Variants in NOS1AP observed in about 807,000 individuals in gnomAD.
NOS1AP encodes carboxyl-terminal PDZ ligand of neuronal nitric oxide synthase protein.
In NOS1AP, 21 loss-of-function variants were observed where a neutral mutation model predicts 56.2. The observed-to-expected ratio is 0.37, with a 90% CI of 0.26 to 0.54. The LOEUF (loss-of-function observed/expected upper bound fraction) is 0.54, where lower values mean the gene tolerates loss of function less well. Ranked by LOEUF, NOS1AP falls within the 20% of genes least tolerant of loss-of-function variation. The pLI, the probability that NOS1AP is intolerant of heterozygous loss-of-function variation, is 0.84. For synonymous variants in NOS1AP, 270 were observed against 274.6 expected (o/e 0.98, Z 0.17); for missense variants, 522 against 657.8 (o/e 0.79, Z 2.26).
chr1:162,102,111 A>G (rs910118663), intron 1 of NOS1AP, among the ~76,000 whole-genome samples: 2 of 152,160 alleles, frequency 1.3e-5, no homozygotes, highest in Non-Finnish European at 2.9e-5. Flanking sequence ...ATTTTGAGGT[A>G]TGTTCCAGCT....
intron 2 of NOS1AP, among the ~76,000 whole-genome samples, chr1:162,193,874 T>TTTTC (rs755514055): frequency 2.3e-4 from 35 of 152,172 alleles, no homozygotes; most frequent in African/African-American, 8.2e-4. Context: ...GTTTCTTTAC[T>TTTTC]TTTCTTTCTT....
chr1:162,180,748 C>T (rs1651229951), intron 2 of NOS1AP, among the ~76,000 whole-genome samples: 1 of 152,224 alleles, frequency 6.6e-6, no homozygotes, highest in African/African-American at 2.4e-5. Context: ...GGGAGATGAC[C>T]CATGAGCTTC....
At chr1:162,160,282 C>T (rs1270916490) in intron 2 of NOS1AP, among the ~76,000 whole-genome samples, 1 of 152,122 alleles carries the variant, frequency 6.6e-6, no homozygotes, top group African/African-American at 2.4e-5. Context: ...TGGTCTTGGC[C>T]TTGAACAGAA....
chr1:162,347,858 C>T (rs1467586270), intron 6 of NOS1AP, among the ~76,000 whole-genome samples: 1 of 152,230 alleles, frequency 6.6e-6, no homozygotes, highest in East Asian at 1.9e-4. Context: ...ACGCCGTTCC[C>T]TCTGCCATGG....
At chr1:162,247,231 C>T (rs1196108554) in intron 2 of NOS1AP, among the ~76,000 whole-genome samples, 1 of 152,190 alleles carries the variant, frequency 6.6e-6, no homozygotes, top group Non-Finnish European at 1.5e-5. Context: ...TCTCCCCTTG[C>T]CTCTTTCTCT....
intron 2 of NOS1AP, among the ~76,000 whole-genome samples, chr1:162,216,580 T>A (rs545032079): frequency 6.6e-6 from 1 of 152,248 alleles, no homozygotes; most frequent in Non-Finnish European, 1.5e-5. Context: ...TGCTTTGGTT[T>A]ATTCATCTAC....
chr1:162,191,382 G>A (rs1651642027), intron 2 of NOS1AP, among the ~76,000 whole-genome samples: 1 of 152,054 alleles, frequency 6.6e-6, no homozygotes. Flanking sequence ...TCCCTGCTTC[G>A]AAGTGTTTTC....
chr1:162,337,026 A>G (rs1406792901), intron 5 of NOS1AP, among the ~76,000 whole-genome samples: 1 of 152,152 alleles, frequency 6.6e-6, no homozygotes. Context: ...GATAGTATTC[A>G]TTTGCAGGGC....
intron 2 of NOS1AP, among the ~76,000 whole-genome samples, chr1:162,282,707 G>A (rs1001298205): frequency 6.6e-6 from 1 of 152,336 alleles, no homozygotes; most frequent in Admixed American, 6.5e-5. Flanking sequence ...ATGCCCAGCA[G>A]CACTGTCAGA....
chr1:162,351,727 A>T (rs549721267), intron 6 of NOS1AP, among the ~76,000 whole-genome samples: 1 of 152,008 alleles, frequency 6.6e-6, no homozygotes, highest in South Asian at 2.1e-4. Flanking sequence ...CCTTGTCCCT[A>T]TGTCTCCCCC....
intron 2 of NOS1AP, among the ~76,000 whole-genome samples, chr1:162,207,742 C>A (rs187516690): frequency 1.9e-4 from 29 of 152,202 alleles, no homozygotes; most frequent in Non-Finnish European, 2.9e-4. Flanking sequence ...CGGTCTCAGT[C>A]CCATAAAATT....
chr1:162,237,907 C>CTCT, intron 2 of NOS1AP, among the ~76,000 whole-genome samples: 1 of 152,004 alleles, frequency 6.6e-6, no homozygotes, highest in East Asian at 1.9e-4. Context: ...CTTTGCTGTC[C>CTCT]TCTTGTCTGC....
intron 4 of NOS1AP, among the ~76,000 whole-genome samples, chr1:162,332,169 G>A (rs1656790799): frequency 6.6e-6 from 1 of 152,030 alleles, no homozygotes; most frequent in Non-Finnish European, 1.5e-5. Context: ...AACACTGCAG[G>A]GCTTGTAAAC....
At chr1:162,160,020 CAGGGGAT>C (rs771639249) in intron 2 of NOS1AP, among the ~76,000 whole-genome samples, 26 of 152,164 alleles carry the variant, frequency 1.7e-4, no homozygotes, top group Non-Finnish European at 3.1e-4. Context: ...GCTCTTAAAC[CAGGGGAT>C]AGATCCCTGC....
At chr1:162,303,248 C>A (rs181361011) in intron 4 of NOS1AP, among the ~76,000 whole-genome samples, 30 of 152,282 alleles carry the variant, frequency 2.0e-4, no homozygotes, top group South Asian at 1.5e-3. Flanking sequence ...GATAGGTATA[C>A]ATTTAACTTT....
chr1:162,169,570 A>G (rs1435442724), intron 2 of NOS1AP, among the ~76,000 whole-genome samples: 2 of 152,170 alleles, frequency 1.3e-5, no homozygotes, highest in Non-Finnish European at 2.9e-5. Context: ...GTTTCTCCTC[A>G]GTGTGCATGC....
At chr1:162,231,310 T>C (rs1307271395) in intron 2 of NOS1AP, among the ~76,000 whole-genome samples, 1 of 152,224 alleles carries the variant, frequency 6.6e-6, no homozygotes, top group Non-Finnish European at 1.5e-5. Context: ...ACTCAAGTCT[T>C]CTGCCCATTT....
At chr1:162,299,210 C>T (rs1289044496) in intron 3 of NOS1AP, among the ~76,000 whole-genome samples, 1 of 152,124 alleles carries the variant, frequency 6.6e-6, no homozygotes, top group Non-Finnish European at 1.5e-5. Flanking sequence ...ATTAAAAAAA[C>T]TGCTATAAAC....
rs114216568 is a variant in NOS1AP, at chr1:162,081,372, A to G, written c.105+11090A>G. 8.7e-3 allele frequency among the ~76,000 whole-genome samples: 1,321 copies of G among 152,218 alleles called. 23 individuals carry two copies. The highest frequency in any genetic ancestry group is 0.03 in the African/African-American group (1,247 of 41,528). On this transcript the variant is annotated intron_variant, in intron 1 of 9. Coordinates refer to ENST00000361897, the MANE Select transcript of NOS1AP (RefSeq NM_014697.3). ...CCATGTTGATGTTGTCCAGATAAAG[A>G]AATGAGGCATCAGTGAGTAGGTGGA... is the stretch of plus-strand genomic sequence containing the variant.
Sources: gnomAD v4.1 joint callset for allele counts (sites outside exome capture counted in the v4.1 genomes callset) on GRCh38, gnomAD v4.1.1 for gene constraint, MANE v1.5 for transcripts, NCBI Gene and HGNC (gene_info 2026-07-23, HGNC 2026-07-21) for gene names.